Variants in ANKRD62 observed in about 807,000 individuals in gnomAD.
ANKRD62 encodes the protein ankyrin repeat domain-containing protein 62.
Under a neutral mutation model 98.8 loss-of-function variants are expected in ANKRD62, and 61 were observed. The observed-to-expected ratio is 0.62, with a 90% CI of 0.50 to 0.76. The LOEUF is 0.76. ANKRD62 is among the 30% of genes least tolerant of loss of function. ANKRD62 has a pLI of 0.00. For missense variants in ANKRD62, 933 were observed against 1,082.9 expected (o/e 0.86, Z 1.94); for synonymous variants, 341 against 367.9 (o/e 0.93, Z 0.84).
At chr18:12,118,692 A>G (rs1041857929) in intron 10 of ANKRD62, among the ~76,000 whole-genome samples, 1 of 151,308 alleles carries the variant, frequency 6.6e-6, no homozygotes, top group South Asian at 2.1e-4. Flanking sequence ...TGGTTCCTTC[A>G]TGTATTTTCA....
chr18:12,110,177 C>T (rs1206884164), intron 8 of ANKRD62, among the ~76,000 whole-genome samples: 2 of 152,140 alleles, frequency 1.3e-5, no homozygotes, highest in African/African-American at 2.4e-5. Flanking sequence ...ATTAAGTTTA[C>T]GAAATAAGAT....
At chr18:12,103,301 G>T in intron 7 of ANKRD62, 73 bp downstream of exon 7, 1 of 877,682 alleles carries the variant, frequency 1.1e-6, no homozygotes, top group Non-Finnish European at 1.5e-6. Flanking sequence ...AATTACTTTT[G>T]GACTAGCCTT....
chr18:12,121,330 G>A (rs769124213), intron 10 of ANKRD62, among the ~76,000 whole-genome samples: 32 of 152,122 alleles, frequency 2.1e-4, no homozygotes, highest in Admixed American at 3.9e-4. Context: ...TTGTTGTCCT[G>A]TGAAGTATGA....
the ANKRD62 span, among the ~76,000 whole-genome samples, chr18:12,168,742 C>T: frequency 6.6e-5 from 10 of 152,160 alleles, no homozygotes; most frequent in Non-Finnish European, 1.2e-4. Flanking sequence ...GCCATTTTCA[C>T]GATATTGATT....
At chr18:12,112,112 A>T (rs928655979) in intron 8 of ANKRD62, among the ~76,000 whole-genome samples, 2 of 114,432 alleles carry the variant, frequency 1.7e-5, no homozygotes, top group Admixed American at 9.2e-5. Flanking sequence ...ACTCCAACTC[A>T]AAAAAAAAAA....
rs1909928014 is a variant in ANKRD62 at position 12,127,979 on chromosome 18, A to G, written c.*40A>G. 1.7e-6 allele frequency: 2 copies of G among 1,168,812 alleles called. No individual in the cohort carries two copies. The highest frequency in any genetic ancestry group is 2.2e-6 in the Non-Finnish European group (2 of 915,764). The allele number at this position is 1,168,812 out of a possible 1,614,324, so 72.4% of individuals were successfully genotyped here. On this transcript the variant is annotated 3_prime_UTR_variant, in exon 14 of 14. Coordinates refer to ENST00000587848, the MANE Select transcript of ANKRD62 (RefSeq NM_001277333.2). ...TCAAGTGTTTCAGGACACTAGTTTC[A>G]GTGGAGAGCTTTCTTTTGTATTTTC...
the ANKRD62 span, among the ~76,000 whole-genome samples, chr18:12,138,803 A>T: frequency 6.6e-6 from 1 of 151,912 alleles, no homozygotes; most frequent in Non-Finnish European, 1.5e-5. Context: ...TGTAATGGCC[A>T]TCTTTGTCTT....
the ANKRD62 span, among the ~76,000 whole-genome samples, chr18:12,136,754 G>A: frequency 1.3e-5 from 2 of 152,108 alleles, no homozygotes; most frequent in Admixed American, 6.5e-5. Context: ...TCCTTGAAGA[G>A]GTCCTTCACA....
the ANKRD62 span, among the ~76,000 whole-genome samples, chr18:12,153,362 G>A: frequency 1.8e-4 from 27 of 152,106 alleles, no homozygotes; most frequent in Non-Finnish European, 1.8e-4. Context: ...AGGCCAAAGT[G>A]GGGTGAATCA....
intron 5 of ANKRD62, among the ~76,000 whole-genome samples, chr18:12,098,186 G>T (rs1909223330): frequency 6.6e-6 from 1 of 152,106 alleles, no homozygotes; most frequent in South Asian, 2.1e-4. Context: ...ATAGAGGAGG[G>T]TCCCATGTTG....
intron 6 of ANKRD62, chr18:12,101,980 A>T: frequency 9.3e-7 from 1 of 1,080,090 alleles, no homozygotes; most frequent in Non-Finnish European, 1.4e-6. Flanking sequence ...CAAAGTATTA[A>T]GTCAGAAAGG....
chr18:12,179,905 C>T, the ANKRD62 span, among the ~76,000 whole-genome samples: 1 of 84,362 alleles, frequency 1.2e-5, no homozygotes, highest in African/African-American at 5.2e-5. Context: ...GAATGTTTGG[C>T]AGTCTGGCAG....
the ANKRD62 span, among the ~76,000 whole-genome samples, chr18:12,164,461 C>A: frequency 6.6e-6 from 1 of 151,222 alleles, no homozygotes; most frequent in Admixed American, 6.6e-5. Flanking sequence ...TTTGTTTAAT[C>A]TTTTGTATTC....
the ANKRD62 span, among the ~76,000 whole-genome samples, chr18:12,168,450 T>C: frequency 0.023 from 3,472 of 152,306 alleles, 59 homozygotes; most frequent in Non-Finnish European, 0.037. Context: ...GTTGTAGATA[T>C]GTGGCATTAT....
In ANKRD62 at chr18:12,102,232, G is replaced by C. The variant is rs1909315556; in HGVS notation, c.821-926G>C. ...AGCCAAGGATTCAAATAAGCAGCTG[G>C]AAGCAGGCCCAGGAGCAAAACACTG... On this transcript the variant is annotated intron_variant, in intron 6 of 13. Coordinates refer to ENST00000587848, the MANE Select transcript of ANKRD62 (RefSeq NM_001277333.2). 7 of 787,780 alleles carry C rather than the reference G, an allele frequency of 8.9e-6. No homozygotes were observed. The South Asian group carries it at 9.4e-5, about 11-fold the overall frequency. The allele number at this position is 787,780 out of a possible 1,614,324, so 48.8% of individuals were successfully genotyped here.
chr18:12,136,315 G>A, the ANKRD62 span, among the ~76,000 whole-genome samples: 4 of 151,960 alleles, frequency 2.6e-5, no homozygotes, highest in East Asian at 5.8e-4. Context: ...TTTCCCCATT[G>A]CTTGTTTTTG....
At chr18:12,134,082 A>G (rs1202369549), downstream of ANKRD62, among the ~76,000 whole-genome samples, 1 of 152,200 alleles carries the variant, frequency 6.6e-6, no homozygotes, top group Non-Finnish European at 1.5e-5. Context: ...TTGTTCAGGA[A>G]TAGCTTTAAT....
chr18:12,113,949 T>A (rs1428655320), intron 8 of ANKRD62, among the ~76,000 whole-genome samples: 1 of 152,152 alleles, frequency 6.6e-6, no homozygotes, highest in Non-Finnish European at 1.5e-5. Context: ...CCAGGAAATA[T>A]TAGGTAGCCA....
the ANKRD62 span, among the ~76,000 whole-genome samples, chr18:12,156,808 G>C: frequency 6.6e-6 from 1 of 152,096 alleles, no homozygotes; most frequent in Non-Finnish European, 1.5e-5. Flanking sequence ...GGTGTACGTG[G>C]GTTGTAACTT....
Sources: allele counts gnomAD v4.1 joint callset (sites outside exome capture counted in the v4.1 genomes callset), GRCh38; gene constraint gnomAD v4.1.1; transcripts MANE v1.5; gene names NCBI Gene and HGNC (gene_info 2026-07-23, HGNC 2026-07-21).